DYRK1A: variants seen among roughly 807,000 people sequenced by gnomAD.
The protein encoded by DYRK1A is dual specificity tyrosine-phosphorylation-regulated kinase 1A.
A neutral mutation model predicts 79.7 loss-of-function variants in DYRK1A; 9 were observed. That is an observed-to-expected ratio of 0.11 (90% CI 0.07 to 0.20). The LOEUF is 0.20. Among genes scored for constraint, DYRK1A ranks in the 10% least tolerant of loss-of-function variants. The pLI is 1.00. For missense variants in DYRK1A, 622 were observed against 956.0 expected, an observed-to-expected ratio of 0.65 and a Z score of 4.61; for synonymous variants, 349 against 329.7, an observed-to-expected ratio of 1.06 and a Z score of -0.63.
At chr21:37,456,237 T>A (rs555593101) in intron 2 of DYRK1A, 23 of 152,074 alleles carry the variant, frequency 1.5e-4, no homozygotes, top group African/African-American at 5.6e-4. Flanking sequence ...CTTGAGAGAG[T>A]GTGGAGGTGC....
rs1198926046 is a variant in DYRK1A at position 37,511,904 on chromosome 21, C to T, written c.1645-7C>T. ...TGAAAAATCCTTTTAAAAATCTGTTCTTTCAGGTGCGTCAGCAATTTCCTG... is the reference window on the plus strand; with the variant it reads ...TGAAAAATCCTTTTAAAAATCTGTTTTTTCAGGTGCGTCAGCAATTTCCTG... On this transcript the variant is annotated splice_region_variant and splice_polypyrimidine_tract_variant and intron_variant, in intron 11 of 11. Coordinates refer to ENST00000647188, the MANE Select transcript of DYRK1A (RefSeq NM_001347721.2). 15 of 1,607,088 alleles carry T rather than the reference C, an allele frequency of 9.3e-6. No individual in the cohort carries two copies. The highest frequency in any genetic ancestry group is 1.7e-4 in the Middle Eastern group (1 of 6,052).
intron 5 of DYRK1A, among the ~76,000 whole-genome samples, chr21:37,482,908 C>G (rs1448245370): frequency 2.0e-5 from 3 of 152,198 alleles, no homozygotes; most frequent in Non-Finnish European, 4.4e-5. Context: ...CCGCCCGGGT[C>G]AGTGGTCAGA....
At chr21:37,506,792 A>G (rs1347821117) in intron 11 of DYRK1A, among the ~76,000 whole-genome samples, 2 of 152,242 alleles carry the variant, frequency 1.3e-5, no homozygotes, top group African/African-American at 4.8e-5. Context: ...ATAAAGTTGT[A>G]AGTTGGTTCA....
intron 7 of DYRK1A, 66 bp from the exon 8 acceptor site, chr21:37,492,951 T>G (rs1003665154): frequency 6.7e-6 from 9 of 1,338,342 alleles, no homozygotes; most frequent in African/African-American, 2.9e-5. Context: ...CAGATCAATG[T>G]TTTTAATCCA....
intron 2 of DYRK1A, among the ~76,000 whole-genome samples, chr21:37,441,912 A>G (rs550917602): frequency 1.3e-5 from 2 of 148,542 alleles, no homozygotes; most frequent in East Asian, 1.9e-4. Context: ...GTATTTACTA[A>G]TGATGTATTC....
At chr21:37,386,914 C>T (rs1271405195) in intron 1 of DYRK1A, among the ~76,000 whole-genome samples, 1 of 152,190 alleles carries the variant, frequency 6.6e-6, no homozygotes, top group East Asian at 1.9e-4. Flanking sequence ...GTACCTTGGC[C>T]TAGGAACACG....
chr21:37,485,699 ATTTTCT>A (rs1339412867), intron 5 of DYRK1A, among the ~76,000 whole-genome samples: 2 of 152,098 alleles, frequency 1.3e-5, no homozygotes, highest in African/African-American at 2.4e-5. Context: ...AAGAGATAAC[ATTTTCT>A]TTTACTTATA....
intron 2 of DYRK1A, among the ~76,000 whole-genome samples, chr21:37,433,486 G>A (rs2050835299): frequency 6.6e-6 from 1 of 152,208 alleles, no homozygotes; most frequent in Non-Finnish European, 1.5e-5. Flanking sequence ...ATGAGTAAGA[G>A]TATGAATGAA....
chr21:37,377,796 G>T (rs2049577545), intron 1 of DYRK1A, among the ~76,000 whole-genome samples: 1 of 152,118 alleles, frequency 6.6e-6, no homozygotes, highest in Non-Finnish European at 1.5e-5. Context: ...CTGTTCTATG[G>T]TTGTACCTCT....
At chr21:37,366,536 G>A (rs1161002554), upstream of DYRK1A, among the ~76,000 whole-genome samples, 7 of 151,392 alleles carry the variant, frequency 4.6e-5, no homozygotes, top group East Asian at 1.4e-3. Context: ...CCTCCCCCGG[G>A]CGAATCACGC....
intron 1 of DYRK1A, among the ~76,000 whole-genome samples, chr21:37,377,438 T>C (rs955214868): frequency 1.3e-5 from 2 of 151,922 alleles, no homozygotes; most frequent in Non-Finnish European, 2.9e-5. Context: ...ACTTGACCTA[T>C]GTTAGAAATA....
intron 1 of DYRK1A, among the ~76,000 whole-genome samples, chr21:37,384,830 T>C (rs1207458925): frequency 6.6e-6 from 1 of 151,762 alleles, no homozygotes; most frequent in Non-Finnish European, 1.5e-5. Flanking sequence ...CAGCAAAAAT[T>C]ATAATATGTG....
rs12151982 is a variant in DYRK1A, at chr21:37,382,792, G to A, written c.-77+15164G>A. On this transcript the variant is annotated intron_variant, in intron 1 of 11. Coordinates refer to ENST00000647188, the MANE Select transcript of DYRK1A (RefSeq NM_001347721.2). ...ACCTAGAAAGTGATTGGTATTATCC[G>A]TGTTTACCTCCAGATAATAAAAAGC... Among the ~76,000 whole-genome samples, 268 of 152,016 alleles carry A rather than the reference G, an allele frequency of 1.8e-3. 1 individual carries two copies. Among genetic ancestry groups the A allele is most frequent in the Non-Finnish European group, 1.5e-3 (100 of 68,016 alleles).
chr21:37,477,099 T>C (rs898184423), intron 3 of DYRK1A, among the ~76,000 whole-genome samples: 1 of 152,174 alleles, frequency 6.6e-6, no homozygotes, highest in African/African-American at 2.4e-5. Context: ...CCCTCTTCTC[T>C]TTTTTGGTGT....
At position 37,511,859 on chromosome 21, in the gene DYRK1A, A is replaced by T. The variant is rs2053758271; in HGVS notation, c.1645-52A>T. On this transcript the variant is annotated intron_variant, in intron 11 of 11. Coordinates refer to ENST00000647188, the MANE Select transcript of DYRK1A (RefSeq NM_001347721.2). ...GTGTCATGGCTTTTGATGGAAGATT[A>T]AAGCTTGGAAACAGTCCTCTGAAAA... 5 of 1,568,066 alleles carry T rather than the reference A, an allele frequency of 3.2e-6. No individual in the cohort carries two copies. In the East Asian group the frequency reaches 1.1e-4, roughly 35 times the overall value.
At chr21:37,372,308 G>T (rs561762343) in intron 1 of DYRK1A, among the ~76,000 whole-genome samples, 5 of 151,242 alleles carry the variant, frequency 3.3e-5, no homozygotes, top group African/African-American at 1.2e-4. Context: ...AAAAAAACAG[G>T]TGTGTTAGTG....
chr21:37,429,903 C>T (rs562181649), intron 2 of DYRK1A, among the ~76,000 whole-genome samples: 1 of 152,268 alleles, frequency 6.6e-6, no homozygotes, highest in Non-Finnish European at 1.5e-5. Flanking sequence ...CTCTTGGTTG[C>T]CTCCATGATT....
At chr21:37,433,726 T>C (rs530297606) in intron 2 of DYRK1A, among the ~76,000 whole-genome samples, 1 of 152,048 alleles carries the variant, frequency 6.6e-6, no homozygotes, top group Admixed American at 6.5e-5. Context: ...TCGTGAATGA[T>C]CCTGAGCTAA....
chr21:37,464,154 A>C (rs2051945458), intron 2 of DYRK1A: 1 of 274,420 alleles, frequency 3.6e-6, no homozygotes, highest in Non-Finnish European at 7.3e-6. Context: ...TTTTAAACTT[A>C]GGGTCTTTTC....
Sources: allele counts gnomAD v4.1 joint callset (sites outside exome capture counted in the v4.1 genomes callset), GRCh38; gene constraint gnomAD v4.1.1; transcripts MANE v1.5; gene names NCBI Gene and HGNC (gene_info 2026-07-23, HGNC 2026-07-21).